Variants in ANTXR2 observed in about 807,000 individuals in gnomAD.
The protein encoded by ANTXR2 is anthrax toxin receptor 2.
Under a neutral mutation model 73.7 loss-of-function variants are expected in ANTXR2, and 44 were observed. The observed-to-expected ratio is 0.60, with a 90% confidence interval of 0.47 to 0.77. ANTXR2 has a LOEUF of 0.77. Among genes scored for constraint, ANTXR2 ranks in the 30% least tolerant of loss-of-function variants. ANTXR2 has a pLI of 0.00. For missense variants in ANTXR2, 604 were observed against 592.5 expected, an observed-to-expected ratio of 1.02 and a Z score of -0.20; for synonymous variants, 217 against 205.9, an observed-to-expected ratio of 1.05 and a Z score of -0.46.
chr4:80,065,563 T>TA (rs1734459153), intron 3 of ANTXR2, among the ~76,000 whole-genome samples: 1 of 152,186 alleles, frequency 6.6e-6, no homozygotes, highest in African/African-American at 2.4e-5. Flanking sequence ...TGTTTCAAAT[T>TA]AAAGTATTTA....
chr4:79,960,987 C>T (rs72874005), intron 16 of ANTXR2, among the ~76,000 whole-genome samples: 15,156 of 151,862 alleles, frequency 0.1, 2,473 homozygotes, highest in African/African-American at 0.34. Flanking sequence ...AAGCCAATTT[C>T]CTTAACTGAG....
At position 80,035,981 on chromosome 4, in the gene ANTXR2, A is replaced by G. The variant is rs1406411240; in HGVS notation, c.688T>C (p.Cys230Arg). 6.5e-7 allele frequency: 1 copy of G among 1,543,710 alleles called. No individual in the cohort carries two copies. The highest frequency in any genetic ancestry group is 2.0e-5 in the Admixed American group (1 of 49,736). Reference sequence around the variant, plus strand: ...AATTCTAAACACTTACCCCCCACACAGACACTTGAGGGCTGCAATTCTAGG... The same window carrying G: ...AATTCTAAACACTTACCCCCCACACGGACACTTGAGGGCTGCAATTCTAGG... ...EILELQPSSV[C>R]VGEEFQIVLS... Residue 230 changes from cysteine to arginine, a missense_variant, in exon 8 of 17, where the codon TGT (cysteine) becomes CGT (arginine). Physicochemically the swap from Cys to Arg is radical, Grantham distance 180. Transcript: ENST00000403729.
chr4:80,005,819 A>G (rs571845300), intron 12 of ANTXR2, among the ~76,000 whole-genome samples: 1 of 152,146 alleles, frequency 6.6e-6, no homozygotes, highest in African/African-American at 2.4e-5. Flanking sequence ...TGAAGCCAGC[A>G]AAGTTTCTTT....
At position 80,030,680 on chromosome 4, in the gene ANTXR2, A is replaced by G. The variant is rs998473279; in HGVS notation, c.866+943T>C. ...CGATAGATATCTTGAATATTTAAGT[A>G]TCCACAAAAGATAAATGTTCAAGTC... On this transcript the variant is annotated intron_variant, in intron 10 of 16. Transcript: ENST00000403729. Among the ~76,000 whole-genome samples the G allele has an allele frequency of 2.6e-5, 4 of 152,214 alleles. No individual in the cohort carries two copies. In the East Asian group the frequency reaches 7.7e-4, roughly 29 times the overall value.
intron 16 of ANTXR2, among the ~76,000 whole-genome samples, chr4:79,928,618 A>C (rs1727923158): frequency 6.6e-6 from 1 of 152,184 alleles, no homozygotes; most frequent in African/African-American, 2.4e-5. Context: ...GGTACATTCC[A>C]GATATATACA....
intron 12 of ANTXR2, among the ~76,000 whole-genome samples, chr4:79,996,301 A>C (rs1246574001): frequency 6.8e-6 from 1 of 147,720 alleles, no homozygotes; most frequent in African/African-American, 2.4e-5. Flanking sequence ...ATGGATGGGT[A>C]GATGGACGGA....
chr4:80,035,796 A>C lies in ANTXR2; in HGVS notation c.697+176T>G, dbSNP rs183637294. Among the ~76,000 whole-genome samples, 52 of 152,312 alleles carry C rather than the reference A, an allele frequency of 3.4e-4. 1 individual carries two copies. The highest frequency in any genetic ancestry group is 1.0e-3 in the South Asian group (5 of 4,830). On this transcript the variant is annotated intron_variant, in intron 8 of 16. Coordinates refer to ENST00000403729, the MANE Select transcript of ANTXR2 (RefSeq NM_058172.6). ...ATTTAAAATAACATTCCAATCTTAAAAATTTGAATTTAAAATAGAAATATT... is the reference window on the plus strand; with the variant it reads ...ATTTAAAATAACATTCCAATCTTAACAATTTGAATTTAAAATAGAAATATT...
rs1404309432 is a variant in ANTXR2, at chr4:79,905,793, TGGGGGTAATTATACCA to T, written c.*1620_*1635del. On this transcript the variant is annotated 3_prime_UTR_variant, in exon 17 of 17. Transcript: ENST00000403729. ...TTTGAAATTTCCATTAAGAGCACAA[TGGGGGTAATTATACCA>T]GGATGCTCCAATCGCTCTTTCCATC... The T allele has an allele frequency of 6.6e-6, 1 of 152,506 alleles. No individual in the cohort carries two copies. Among genetic ancestry groups the T allele is most frequent in the African/African-American group, 2.4e-5 (1 of 41,388 alleles). The allele number at this position is 152,506 out of a possible 1,614,324, so 9.4% of individuals were successfully genotyped here.
chr4:79,930,729 T>A (rs959087973), intron 16 of ANTXR2, among the ~76,000 whole-genome samples: 6 of 152,198 alleles, frequency 3.9e-5, no homozygotes, highest in Admixed American at 3.9e-4. Context: ...TCTGCCCCAA[T>A]TCTATTTCAC....
intron 12 of ANTXR2, among the ~76,000 whole-genome samples, chr4:80,000,522 C>T (rs1480106201): frequency 4.6e-5 from 7 of 152,008 alleles, no homozygotes; most frequent in Non-Finnish European, 8.8e-5. Context: ...AGGTAGAATA[C>T]ACACAGTACC....
intron 12 of ANTXR2, 43 bp from the exon 13 acceptor site, chr4:79,984,906 A>G: frequency 6.9e-7 from 1 of 1,448,558 alleles, no homozygotes; most frequent in African/African-American, 1.4e-5. Flanking sequence ...TGGCATAGAG[A>G]GGAGATAGTA....
At chr4:80,030,263 G>A (rs1489502942) in intron 10 of ANTXR2, among the ~76,000 whole-genome samples, 2 of 152,024 alleles carry the variant, frequency 1.3e-5, no homozygotes, top group Non-Finnish European at 2.9e-5. Context: ...AAATGATGGA[G>A]CTGCCAATAA....
At chr4:79,938,022 T>C (rs1286862632) in intron 16 of ANTXR2, among the ~76,000 whole-genome samples, 3 of 65,810 alleles carry the variant, frequency 4.6e-5, no homozygotes, top group South Asian at 6.0e-4. Context: ...TCAGACCGGC[T>C]TAAGAAACGG....
intron 3 of ANTXR2, among the ~76,000 whole-genome samples, chr4:80,068,828 CTGTT>C (rs1338460465): frequency 6.6e-6 from 1 of 152,074 alleles, no homozygotes; most frequent in African/African-American, 2.4e-5. Context: ...GTCATTGACA[CTGTT>C]TGAATGACAC....
intron 12 of ANTXR2, among the ~76,000 whole-genome samples, chr4:79,989,346 C>G (rs1423104587): frequency 6.6e-6 from 1 of 151,874 alleles, no homozygotes; most frequent in Non-Finnish European, 1.5e-5. Flanking sequence ...CTCTAAAACA[C>G]TATTAGGAAT....
At chr4:80,063,433 ATT>A (rs11321139) in intron 3 of ANTXR2, among the ~76,000 whole-genome samples, 11 of 151,530 alleles carry the variant, frequency 7.3e-5, no homozygotes, top group South Asian at 2.1e-4. Context: ...TAATTTCAGC[ATT>A]TTTTTTTATA....
At chr4:80,030,553 A>G (rs1732643403) in intron 10 of ANTXR2, among the ~76,000 whole-genome samples, 1 of 152,060 alleles carries the variant, frequency 6.6e-6, no homozygotes, top group African/African-American at 2.4e-5. Context: ...AAAACGAATA[A>G]TACTCTTAGT....
rs1726862001 is a variant in ANTXR2 at position 79,905,389 on chromosome 4, A to G, written c.*2040T>C. 1 of 152,198 alleles carries G rather than the reference A, an allele frequency of 6.6e-6. No individual in the cohort carries two copies. Among genetic ancestry groups the G allele is most frequent in the African/African-American group, 2.4e-5 (1 of 41,456 alleles). The allele number at this position is 152,198 out of a possible 1,614,324, so 9.4% of individuals were successfully genotyped here. On this transcript the variant is annotated 3_prime_UTR_variant, in exon 17 of 17. Coordinates refer to ENST00000403729, the MANE Select transcript of ANTXR2 (RefSeq NM_058172.6). ...TAACTCATTGCAGAAAGGGTTGGGT[A>G]TACTATATCAGGCTTCCAAGTTACA... is the stretch of plus-strand genomic sequence containing the variant.
intron 3 of ANTXR2, among the ~76,000 whole-genome samples, chr4:80,062,364 C>T (rs1283117226): frequency 6.6e-6 from 1 of 152,210 alleles, no homozygotes; most frequent in Non-Finnish European, 1.5e-5. Flanking sequence ...CACTGCCTTA[C>T]TAAATCATGA....
Sources: gnomAD v4.1 joint callset for allele counts (sites outside exome capture counted in the v4.1 genomes callset) on GRCh38, gnomAD v4.1.1 for gene constraint, MANE v1.5 for transcripts, NCBI Gene and HGNC (gene_info 2026-07-23, HGNC 2026-07-21) for gene names.